Variants in CFAP58 observed in about 807,000 individuals in gnomAD.
CFAP58 encodes the protein cilia- and flagella-associated protein 58.
In CFAP58, 88 loss-of-function variants were observed where a neutral mutation model predicts 119.5. The ratio of observed to expected loss-of-function variants is 0.74; its 90% CI spans 0.62 to 0.88. The LOEUF (loss-of-function observed/expected upper bound fraction) is 0.88, where lower values mean the gene tolerates loss of function less well. Ranked by LOEUF, CFAP58 falls within the 40% of genes least tolerant of loss-of-function variation. The pLI is 0.00. For synonymous variants in CFAP58, 365 were observed against 366.3 expected, an observed-to-expected ratio of 1.00 and a Z score of 0.04; for missense variants, 990 against 1,021.2, an observed-to-expected ratio of 0.97 and a Z score of 0.42.
chr10:104,365,696 C>T (rs897503421), intron 4 of CFAP58, 118 bp from the exon 5 acceptor site: 37 of 797,076 alleles, frequency 4.6e-5, no homozygotes, highest in Non-Finnish European at 6.7e-5. Context: ...AGGGGAAATG[C>T]TACTGCAAAG....
chr10:104,400,582 G>C, intron 12 of CFAP58, 98 bp from the exon 13 acceptor site: 1 of 972,312 alleles, frequency 1.0e-6, no homozygotes. Context: ...CAGTACATGT[G>C]GGCGTTCAAT....
intron 15 of CFAP58, among the ~76,000 whole-genome samples, chr10:104,408,503 G>A (rs1323110094): frequency 6.6e-6 from 1 of 152,182 alleles, no homozygotes; most frequent in Non-Finnish European, 1.5e-5. Flanking sequence ...TGTGCAGCTG[G>A]TTAAGTGCTA....
chr10:104,405,367 T>C (rs1408161129), intron 14 of CFAP58, among the ~76,000 whole-genome samples: 1 of 152,236 alleles, frequency 6.6e-6, no homozygotes, highest in Non-Finnish European at 1.5e-5. Flanking sequence ...GAGATGAAGA[T>C]TTTAAATTCA....
rs190213471 is a variant in CFAP58 at position 104,414,291 on chromosome 10, A to G, written c.2256+7498A>G. Among the ~76,000 whole-genome samples, 15 of 152,336 alleles carry G rather than the reference A, an allele frequency of 9.8e-5. No individual in the cohort carries two copies. In the East Asian group the frequency reaches 2.9e-3, roughly 29 times the overall value. ...ACTCCCAGAAACAAGTTTGCCAACC[A>G]TCCTTGGCCCACAAGTGGATAGTTT... is the stretch of plus-strand genomic sequence containing the variant. On this transcript the variant is annotated intron_variant, in intron 15 of 17. Transcript: ENST00000369704.
intron 15 of CFAP58, among the ~76,000 whole-genome samples, chr10:104,433,605 C>T (rs1447708309): frequency 6.6e-6 from 1 of 152,168 alleles, no homozygotes; most frequent in Non-Finnish European, 1.5e-5. Context: ...AGGAGCAGAG[C>T]CAGGATGGAG....
At chr10:104,406,015 G>A (rs1048577055) in intron 14 of CFAP58, among the ~76,000 whole-genome samples, 1 of 152,130 alleles carries the variant, frequency 6.6e-6, no homozygotes, top group Non-Finnish European at 1.5e-5. Flanking sequence ...AGGATTGCTC[G>A]ATCCCCCAGA....
chr10:104,397,781 G>A (rs1179653352), intron 11 of CFAP58, among the ~76,000 whole-genome samples: 3 of 152,154 alleles, frequency 2.0e-5, no homozygotes, highest in African/African-American at 7.2e-5. Context: ...GTTCTGACCT[G>A]GTCTGTGATA....
At chr10:104,418,616 C>T (rs1213455533) in intron 15 of CFAP58, among the ~76,000 whole-genome samples, 3 of 152,204 alleles carry the variant, frequency 2.0e-5, no homozygotes, top group African/African-American at 7.2e-5. Flanking sequence ...CACCACTATT[C>T]TTTAGTGCCT....
chr10:104,365,949 T>C lies in CFAP58; in HGVS notation c.733T>C (p.Tyr245His), dbSNP rs2014740100. The C allele has an allele frequency of 6.2e-7, 1 of 1,612,804 alleles. No individual in the cohort carries two copies. The highest frequency in any genetic ancestry group is 1.7e-5 in the Admixed American group (1 of 59,854). The change falls in exon 5 of 18, where the codon TAT becomes CAT. Residue 245 changes from tyrosine (Y) to histidine (H), a missense_variant. Tyr to His is a moderately conservative substitution (Grantham distance 83, BLOSUM62 2). Transcript: ENST00000369704. The part of the protein sequence containing the change: ...RQTEIKALQQ[Y>H]VQKSKEELQK... ...GACAGAAATAAAAGCCCTGCAGCAG[T>C]ATGTGCAGAAGAGCAAGGAGGAGCT... is the stretch of plus-strand genomic sequence containing the variant.
intron 15 of CFAP58, among the ~76,000 whole-genome samples, chr10:104,444,046 G>A (rs1311468714): frequency 1.3e-5 from 2 of 152,192 alleles, no homozygotes; most frequent in Non-Finnish European, 2.9e-5. Context: ...TATGGTTAGT[G>A]CTCTCAAGAC....
intron 1 of CFAP58, among the ~76,000 whole-genome samples, chr10:104,355,811 A>G (rs1333454128): frequency 6.6e-6 from 1 of 152,270 alleles, no homozygotes; most frequent in South Asian, 2.1e-4. Flanking sequence ...TAATGACAAT[A>G]GGAACAAATC....
chr10:104,345,146 CA>C, the CFAP58 span, among the ~76,000 whole-genome samples: 1 of 128,412 alleles, frequency 7.8e-6, no homozygotes, highest in Non-Finnish European at 1.7e-5. Flanking sequence ...GACTCTGTCT[CA>C]AAAAAAAACA....
At chr10:104,375,248 A>G (rs974573852) in intron 7 of CFAP58, among the ~76,000 whole-genome samples, 5 of 150,302 alleles carry the variant, frequency 3.3e-5, no homozygotes, top group Non-Finnish European at 7.4e-5. Flanking sequence ...ATATAAATAT[A>G]TGTATTTATA....
At chr10:104,378,383 A>G (rs985020352) in intron 8 of CFAP58, among the ~76,000 whole-genome samples, 9 of 152,262 alleles carry the variant, frequency 5.9e-5, no homozygotes, top group Non-Finnish European at 8.8e-5. Context: ...TCTGTTTTCT[A>G]CATTGTCACC....
intron 9 of CFAP58, among the ~76,000 whole-genome samples, chr10:104,388,977 G>A (rs2011981795): frequency 6.6e-6 from 1 of 152,172 alleles, no homozygotes; most frequent in Non-Finnish European, 1.5e-5. Flanking sequence ...TATCTCATGA[G>A]TTGGTTTGAG....
At chr10:104,438,260 C>T (rs1199182511) in intron 15 of CFAP58, among the ~76,000 whole-genome samples, 1 of 151,378 alleles carries the variant, frequency 6.6e-6, no homozygotes, top group East Asian at 1.9e-4. Context: ...TAACTGGGTC[C>T]TTTGCTTAGG....
intron 11 of CFAP58, among the ~76,000 whole-genome samples, chr10:104,398,591 A>G (rs111901154): frequency 4.6e-5 from 7 of 152,296 alleles, no homozygotes; most frequent in African/African-American, 7.2e-5. Context: ...TGATTTTCAT[A>G]TAAACTTAGG....
At chr10:104,450,277 C>T (rs2013173984) in intron 17 of CFAP58, 73 bp downstream of exon 17, 2 of 1,499,492 alleles carry the variant, frequency 1.3e-6, no homozygotes, top group Admixed American at 1.8e-5. Context: ...GGTGAACAGT[C>T]ACAGAGTTGC....
At chr10:104,454,290 C>A (rs1589942202) in intron 17 of CFAP58, 132 bp from the exon 18 acceptor site, 1 of 770,148 alleles carries the variant, frequency 1.3e-6, no homozygotes, top group Non-Finnish European at 2.3e-6. Flanking sequence ...TAGATTTAAA[C>A]AACTACCTTG....
Sources: gnomAD v4.1 joint callset for allele counts (sites outside exome capture counted in the v4.1 genomes callset) on GRCh38, gnomAD v4.1.1 for gene constraint, MANE v1.5 for transcripts, NCBI Gene and HGNC (gene_info 2026-07-23, HGNC 2026-07-21) for gene names.